AUTS2: variants seen among roughly 807,000 people sequenced by gnomAD.
AUTS2 encodes the protein autism susceptibility gene 2 protein.
A neutral mutation model predicts 112.4 loss-of-function variants in AUTS2; 17 were observed. The observed-to-expected ratio is 0.15, with a 90% confidence interval of 0.10 to 0.23. AUTS2 has a LOEUF of 0.23. Among genes scored for constraint, AUTS2 ranks in the 10% least tolerant of loss-of-function variants. The pLI is 1.00. For missense variants in AUTS2, 1,510 were observed against 1,701.6 expected (o/e 0.89, Z 1.98); for synonymous variants, 751 against 702.7 (o/e 1.07, Z -1.09).
chr7:69,657,806 ACTTCT>A (rs1452954491), intron 1 of AUTS2, among the ~76,000 whole-genome samples: 3 of 152,224 alleles, frequency 2.0e-5, no homozygotes, highest in Middle Eastern at 3.2e-3. Context: ...CAGTGGGCAT[ACTTCT>A]CTTCTTAGCA....
At chr7:70,676,515 G>A (rs1260953981) in intron 5 of AUTS2, among the ~76,000 whole-genome samples, 1 of 152,318 alleles carries the variant, frequency 6.6e-6, no homozygotes, top group East Asian at 1.9e-4. Flanking sequence ...GGGAGTCTGA[G>A]GGGTGGAGTG....
At chr7:70,191,666 A>G (rs1210842155) in intron 4 of AUTS2, among the ~76,000 whole-genome samples, 2 of 152,216 alleles carry the variant, frequency 1.3e-5, no homozygotes, top group African/African-American at 2.4e-5. Flanking sequence ...TCAAATTTTT[A>G]TGCTACGATA....
At chr7:70,165,596 G>A (rs575558199) in intron 4 of AUTS2, among the ~76,000 whole-genome samples, 23 of 152,254 alleles carry the variant, frequency 1.5e-4, no homozygotes, top group African/African-American at 5.5e-4. Flanking sequence ...GTCTTCGTCA[G>A]ATGAAGCAAG....
chr7:69,919,148 G>T (rs1289097039), intron 2 of AUTS2, among the ~76,000 whole-genome samples: 2 of 152,164 alleles, frequency 1.3e-5, no homozygotes, highest in East Asian at 3.9e-4. Context: ...GTGATTCAGA[G>T]GGGGAAACAA....
At chr7:69,747,056 T>C (rs1787527772) in intron 1 of AUTS2, among the ~76,000 whole-genome samples, 2 of 152,224 alleles carry the variant, frequency 1.3e-5, no homozygotes. Flanking sequence ...GGGCCTAGCA[T>C]CTGTGTTTTC....
intron 2 of AUTS2, among the ~76,000 whole-genome samples, chr7:70,032,540 TAAAAC>T (rs1471483658): frequency 3.3e-5 from 5 of 151,556 alleles, no homozygotes; most frequent in African/African-American, 9.8e-5. Context: ...TTAAAAAAAA[TAAAAC>T]AAAAAATATG....
chr7:70,335,747 A>G (rs369725201), intron 4 of AUTS2, among the ~76,000 whole-genome samples: 1 of 152,362 alleles, frequency 6.6e-6, no homozygotes, highest in Non-Finnish European at 1.5e-5. Context: ...TTTGACTTCT[A>G]AGTTTTTTCC....
At chr7:70,485,100 A>G (rs1797933277) in intron 5 of AUTS2, among the ~76,000 whole-genome samples, 1 of 152,230 alleles carries the variant, frequency 6.6e-6, no homozygotes. Flanking sequence ...TAAAAGTAGA[A>G]CTACCATTCA....
chr7:70,174,061 GCTGAAAGCTAAGTCT>G lies in AUTS2; in HGVS notation c.660+39493_660+39507del, dbSNP rs113744926. On this transcript the variant is annotated intron_variant, in intron 4 of 18. Coordinates refer to ENST00000342771, the MANE Select transcript of AUTS2 (RefSeq NM_015570.4). ...GAAGGCATGTTGAAAGCCAAGATGG[GCTGAAAGCTAAGTCT>G]CTTGCACCTGTTGGCCAAGTTGTGA... Among the ~76,000 whole-genome samples the G allele has an allele frequency of 1.6e-3, 245 of 152,342 alleles. 6 individuals carry two copies. The highest frequency in any genetic ancestry group is 5.6e-3 in the African/African-American group (231 of 41,574).
chr7:70,297,426 A>ATTT (rs764795939), intron 4 of AUTS2, among the ~76,000 whole-genome samples: 1 of 136,420 alleles, frequency 7.3e-6, no homozygotes. Context: ...GAGGAAGATA[A>ATTT]TTTTTTTTTT....
chr7:69,964,482 A>G (rs1797555814), intron 2 of AUTS2, among the ~76,000 whole-genome samples: 1 of 152,140 alleles, frequency 6.6e-6, no homozygotes, highest in South Asian at 2.1e-4. Flanking sequence ...TGATCAGTGA[A>G]TGACTGCTAA....
rs146043752 is a variant in AUTS2 at position 70,771,641 on chromosome 7, G to A, written c.1827G>A (p.Pro609=). 106 of 1,613,130 alleles carry A rather than the reference G, an allele frequency of 6.6e-5. No individual in the cohort carries two copies. In the African/African-American group the frequency reaches 1.1e-3, roughly 17 times the overall value. Residue 609 remains proline (P), a synonymous_variant, in exon 11 of 19, where the codon CCG becomes CCA. Coordinates refer to ENST00000342771, the MANE Select transcript of AUTS2 (RefSeq NM_015570.4). ...PFGSLQGAFQ[P]KTSNPIDVAA... The stretch of plus-strand genomic sequence containing the variant: ...GTTCACTACAAGGAGCATTTCAGCC[G>A]AAGGTAAGAAACCTCACAGTGAAAA...
At chr7:70,213,933 A>G (rs1409060779) in intron 4 of AUTS2, among the ~76,000 whole-genome samples, 1 of 152,228 alleles carries the variant, frequency 6.6e-6, no homozygotes, top group African/African-American at 2.4e-5. Context: ...GATAACAGAT[A>G]TCAAAGTACC....
chr7:70,611,047 T>C (rs1804067680), intron 5 of AUTS2, among the ~76,000 whole-genome samples: 1 of 152,282 alleles, frequency 6.6e-6, no homozygotes, highest in Non-Finnish European at 1.5e-5. Context: ...TCTTTGTGAA[T>C]GTCATGGGGT....
chr7:70,350,223 A>AT (rs566401267), intron 4 of AUTS2, among the ~76,000 whole-genome samples: 14 of 151,314 alleles, frequency 9.3e-5, no homozygotes, highest in East Asian at 1.9e-4. Context: ...GAAGAGACCT[A>AT]TTTTTTTTTA....
intron 2 of AUTS2, among the ~76,000 whole-genome samples, chr7:70,033,441 C>A (rs1800868390): frequency 6.6e-6 from 1 of 152,098 alleles, no homozygotes; most frequent in Admixed American, 6.5e-5. Context: ...GAATGCCATG[C>A]ATTGGGAAGC....
At chr7:70,396,861 A>G (rs928559439) in intron 4 of AUTS2, among the ~76,000 whole-genome samples, 3 of 152,172 alleles carry the variant, frequency 2.0e-5, no homozygotes, top group South Asian at 2.1e-4. Flanking sequence ...TTGTATGGAC[A>G]TATATGTATT....
chr7:70,683,443 AGTC>A (rs1456326101), intron 5 of AUTS2, among the ~76,000 whole-genome samples: 3 of 152,228 alleles, frequency 2.0e-5, no homozygotes, highest in African/African-American at 7.2e-5. Context: ...AGTACATCAC[AGTC>A]CTGGTCCTTG....
At chr7:70,497,007 ACAGT>A (rs202001753) in intron 5 of AUTS2, among the ~76,000 whole-genome samples, 1,630 of 111,400 alleles carry the variant, frequency 0.015, 86 homozygotes, top group African/African-American at 0.022. Context: ...CACCACGTAC[ACAGT>A]CAGACACACA....
Sources: gnomAD v4.1 joint callset for allele counts (sites outside exome capture counted in the v4.1 genomes callset) on GRCh38, gnomAD v4.1.1 for gene constraint, MANE v1.5 for transcripts, NCBI Gene and HGNC (gene_info 2026-07-23, HGNC 2026-07-21) for gene names.